ARMC9: variants seen among roughly 807,000 people sequenced by gnomAD.
The protein encoded by ARMC9 is lisH domain-containing protein ARMC9.
A neutral mutation model predicts 107.0 loss-of-function variants in ARMC9; 94 were observed. That is an observed-to-expected ratio of 0.88 (90% CI 0.74 to 1.04). The LOEUF (loss-of-function observed/expected upper bound fraction) is 1.04, where lower values mean the gene tolerates loss of function less well. ARMC9 is among the 50% of genes least tolerant of loss of function. The probability of loss-of-function intolerance (pLI) is 0.00; values close to 1 mark genes in which losing one functional copy is unlikely to be tolerated. For missense variants in ARMC9, 942 were observed against 1,030.1 expected (o/e 0.91, Z 1.17); for synonymous variants, 380 against 396.9 (o/e 0.96, Z 0.51).
chr2:231,330,602 C>T (rs1197997812), intron 19 of ARMC9, among the ~76,000 whole-genome samples: 3 of 152,170 alleles, frequency 2.0e-5, no homozygotes, highest in Non-Finnish European at 4.4e-5. Context: ...CTGCTGCCTA[C>T]CCAGCCTTCT....
chr2:231,352,737 A>G (rs529912279), intron 21 of ARMC9, among the ~76,000 whole-genome samples: 1 of 151,294 alleles, frequency 6.6e-6, no homozygotes, highest in East Asian at 1.9e-4. Context: ...TGGATAGAAG[A>G]TAGGTAGGTA....
At chr2:231,233,923 T>A (rs1028503871) in intron 7 of ARMC9, among the ~76,000 whole-genome samples, 1 of 152,232 alleles carries the variant, frequency 6.6e-6, no homozygotes, top group Non-Finnish European at 1.5e-5. Flanking sequence ...TGTCTTTTTT[T>A]AAATTTAATC....
intron 20 of ARMC9, among the ~76,000 whole-genome samples, chr2:231,333,426 G>A (rs2125561051): frequency 6.6e-6 from 1 of 152,358 alleles, no homozygotes; most frequent in African/African-American, 2.4e-5. Context: ...TCAGGGATAG[G>A]GGTTGCTGGG....
rs767041139 is a variant in ARMC9 at position 231,216,792 on chromosome 2, A to T, written c.503A>T (p.Gln168Leu). ...MVHPSFKELF[Q>L]DSWTPELKLK... ...CACCCCTCATTTAAAGAACTCTTCC[A>T]GGTAAATGTCAGCTTTTAACTCTTG... The change falls in exon 5 of 25, where the codon CAG becomes CTG. Residue 168 changes from glutamine to leucine, a missense_variant and splice_region_variant. Physicochemically the swap from Gln to Leu is moderately radical, Grantham distance 113 (BLOSUM62 -2). Coordinates refer to ENST00000611582, the MANE Select transcript of ARMC9 (RefSeq NM_001352754.2). The T allele has an allele frequency of 6.2e-7, 1 of 1,611,424 alleles. No homozygotes were observed. The highest frequency in any genetic ancestry group is 8.5e-7 in the Non-Finnish European group (1 of 1,179,214).
intron 21 of ARMC9, among the ~76,000 whole-genome samples, chr2:231,351,199 T>C (rs2045063141): frequency 6.7e-6 from 1 of 149,708 alleles, no homozygotes; most frequent in South Asian, 2.2e-4. Flanking sequence ...GTGATCCGCC[T>C]GTCTCGGCCT....
intron 7 of ARMC9, among the ~76,000 whole-genome samples, chr2:231,230,578 C>G (rs1488728416): frequency 6.6e-6 from 1 of 152,196 alleles, no homozygotes; most frequent in Non-Finnish European, 1.5e-5. Flanking sequence ...GTAGCAGCCT[C>G]TCCTCCTAAG....
chr2:231,300,852 C>T (rs2125492473), intron 19 of ARMC9, among the ~76,000 whole-genome samples: 1 of 152,240 alleles, frequency 6.6e-6, no homozygotes, highest in Middle Eastern at 3.4e-3. Flanking sequence ...TCCAGGAATA[C>T]TGGGAGATGG....
At position 231,259,038 on chromosome 2, in the gene ARMC9, TGAA is replaced by T. The variant is rs2125408169; in HGVS notation, c.967_969del (p.Lys323del). On this transcript the variant is annotated inframe_deletion, in exon 11 of 25. Transcript: ENST00000611582. ...CTGCCCTCCTTGGATTATGAGAAACTGAAGAAGGATTTGATTTTGGGGAGTGAC... is the reference window on the plus strand; with the variant it reads ...CTGCCCTCCTTGGATTATGAGAAACTGAAGGATTTGATTTTGGGGAGTGAC... 6.2e-7 allele frequency: 1 copy of T among 1,614,174 alleles called. No homozygotes were observed. The highest frequency in any genetic ancestry group is 8.5e-7 in the Non-Finnish European group (1 of 1,180,008).
At chr2:231,344,675 C>T (rs1214205495) in intron 20 of ARMC9, among the ~76,000 whole-genome samples, 1 of 152,066 alleles carries the variant, frequency 6.6e-6, no homozygotes, top group Admixed American at 6.5e-5. Context: ...TTTTTACAAA[C>T]CCAGTCCTTT....
Position 231,360,827 on chromosome 2 carries a change from G to C in ARMC9, c.2205G>C (p.Gly735=). Reference sequence around the variant, plus strand: ...AAGAGCCTCGCCCAGCCCCCACGGGGACCCCCCGCCAGCCAAGGGAGGCGC... The same window carrying C: ...AAGAGCCTCGCCCAGCCCCCACGGGCACCCCCCGCCAGCCAAGGGAGGCGC... ...RQEEPRPAPT[G]TPRQPREAPQ... The change falls in exon 23 of 25, where the codon GGG becomes GGC. Residue 735 remains glycine (G), a synonymous_variant. Coordinates refer to ENST00000611582, the MANE Select transcript of ARMC9 (RefSeq NM_001352754.2). This position sits in a 1 kb window ranked among gnomAD's most constrained non-coding sequence, Gnocchi z 4.7. 5 of 1,535,992 alleles carry C rather than the reference G, an allele frequency of 3.3e-6. No individual in the cohort carries two copies. The highest frequency in any genetic ancestry group is 4.4e-6 in the Non-Finnish European group (5 of 1,146,852).
chr2:231,285,637 C>T (rs2040536595), intron 17 of ARMC9, among the ~76,000 whole-genome samples: 1 of 140,684 alleles, frequency 7.1e-6, no homozygotes, highest in Admixed American at 7.0e-5. Context: ...CAGGGTGAGA[C>T]TCCGTCTCAA....
rs1559513502 is a variant in ARMC9 at position 231,371,651 on chromosome 2, A to T, written c.*116A>T. The T allele has an allele frequency of 4.7e-6, 5 of 1,065,286 alleles. No homozygotes were observed. Among genetic ancestry groups the T allele is most frequent in the Admixed American group, 4.3e-5 (1 of 23,500 alleles). 66.0% of individuals were successfully genotyped at this position (1,065,286 alleles called of 1,614,324 possible). ...GGACAGTTGTCCACAAGACTCTGGGAGCTGAGGGGAGGCCGGCTCTCCAGG... is the reference window on the plus strand; with the variant it reads ...GGACAGTTGTCCACAAGACTCTGGGTGCTGAGGGGAGGCCGGCTCTCCAGG... On this transcript the variant is annotated 3_prime_UTR_variant, in exon 25 of 25. Coordinates refer to ENST00000611582, the MANE Select transcript of ARMC9 (RefSeq NM_001352754.2).
At chr2:231,348,212 G>A (rs1453212572) in intron 21 of ARMC9, among the ~76,000 whole-genome samples, 1 of 152,144 alleles carries the variant, frequency 6.6e-6, no homozygotes, top group East Asian at 1.9e-4. Flanking sequence ...TAATCACAAG[G>A]GGCCTTACTG....
At chr2:231,302,437 G>GTTTTTTTTTT (rs56032700) in intron 19 of ARMC9, among the ~76,000 whole-genome samples, 5 of 58,100 alleles carry the variant, frequency 8.6e-5, no homozygotes, top group South Asian at 8.7e-4. Flanking sequence ...TTGTGGGTTT[G>GTTTTTTTTTT]TTTTTTTTTT....
At chr2:231,327,287 C>A (rs2043392967) in intron 19 of ARMC9, among the ~76,000 whole-genome samples, 2 of 152,168 alleles carry the variant, frequency 1.3e-5, no homozygotes, top group Non-Finnish European at 2.9e-5. Flanking sequence ...AATTCAAGAT[C>A]AGAACGTTTC....
rs757396696 is a variant in ARMC9, at chr2:231,235,274, G to A, written c.673G>A (p.Val225Met). The A allele has an allele frequency of 6.2e-6, 10 of 1,614,214 alleles. No individual in the cohort carries two copies. Among genetic ancestry groups the A allele is most frequent in the Non-Finnish European group, 7.6e-6 (9 of 1,180,030 alleles). Residue 225 changes from valine (V) to methionine (M), a missense_variant, in exon 8 of 25, where the codon GTG becomes ATG. By Grantham distance (21) the Val-to-Met change is conservative. Coordinates refer to ENST00000611582, the MANE Select transcript of ARMC9 (RefSeq NM_001352754.2). The stretch of plus-strand genomic sequence containing the variant: ...GCTGGTTGAAGCTGAACGTAGGTCA[G>A]TGACATACCTCAAACGGTACAATAA... ...QQLVEAERRS[V>M]TYLKRYNKIQ...
At chr2:231,233,690 C>G (rs1167709193) in intron 7 of ARMC9, among the ~76,000 whole-genome samples, 1 of 151,926 alleles carries the variant, frequency 6.6e-6, no homozygotes, top group Non-Finnish European at 1.5e-5. Flanking sequence ...TCAGGGGAAT[C>G]GCTTGAACCC....
At chr2:231,343,174 A>T (rs2044621532) in intron 20 of ARMC9, among the ~76,000 whole-genome samples, 1 of 151,746 alleles carries the variant, frequency 6.6e-6, no homozygotes, top group Non-Finnish European at 1.5e-5. Flanking sequence ...TGGCTTCCCA[A>T]AGTGCTGGGA....
chr2:231,274,171 G>A (rs2039572756), intron 14 of ARMC9, among the ~76,000 whole-genome samples: 1 of 152,176 alleles, frequency 6.6e-6, no homozygotes, highest in Admixed American at 6.5e-5. Context: ...AGACTGGAGT[G>A]CAGTGGCGCA....
Sources: gnomAD v4.1 joint callset for allele counts (sites outside exome capture counted in the v4.1 genomes callset) on GRCh38, gnomAD v4.1.1 for gene constraint, Gnocchi (gnomAD v3.1) non-coding constraint, MANE v1.5 for transcripts, NCBI Gene and HGNC (gene_info 2026-07-23, HGNC 2026-07-21) for gene names.